ZNF568: variants seen among roughly 807,000 people sequenced by gnomAD.
ZNF568 encodes p53 inhibitor of SCO2 activation.
A neutral mutation model predicts 18.1 loss-of-function variants in ZNF568; 11 were observed. The observed-to-expected ratio is 0.61, with a 90% CI of 0.38 to 1.00. ZNF568 has a LOEUF of 1.00. Ranked by LOEUF, ZNF568 falls within the 50% of genes least tolerant of loss-of-function variation. The probability of loss-of-function intolerance (pLI) is 0.01; values close to 1 mark genes in which losing one functional copy is unlikely to be tolerated. For synonymous variants in ZNF568, 213 were observed against 246.6 expected (o/e 0.86, Z 1.28); for missense variants, 639 against 768.2 (o/e 0.83, Z 1.99).
intron 6 of ZNF568, among the ~76,000 whole-genome samples, chr19:36,946,412 T>G (rs1452470860): frequency 2.0e-5 from 3 of 151,092 alleles, no homozygotes; most frequent in African/African-American, 4.9e-5. Context: ...TTAATTAATA[T>G]ACTTATATAA....
chr19:36,961,016 T>C (rs1683128939), intron 6 of ZNF568, among the ~76,000 whole-genome samples: 1 of 152,186 alleles, frequency 6.6e-6, no homozygotes, highest in African/African-American at 2.4e-5. Flanking sequence ...TGAAAGGTTC[T>C]GTGAATATCT....
In ZNF568 at chr19:36,996,630, T is replaced by C. The variant is rs922327120; in HGVS notation, c.543T>C (p.Pro181=). 2.6e-6 allele frequency: 4 copies of C among 1,535,324 alleles called. No individual in the cohort carries two copies. The African/African-American group carries it at 5.5e-5, about 21-fold the overall frequency. Reference sequence around the variant, plus strand: ...TAATTCATAATAAGGAAAAAGAACCTGAATGTGGAGAATGTAGGAAAATCT... The same window carrying C: ...TAATTCATAATAAGGAAAAAGAACCCGAATGTGGAGAATGTAGGAAAATCT... The change falls in exon 5 of 5, where the codon CCT becomes CCC. Residue 181 remains proline, a synonymous_variant. Transcript: ENST00000433993.
chr19:36,997,331 G>T, downstream of ZNF568: 1 of 1,600,868 alleles, frequency 6.2e-7, no homozygotes. Flanking sequence ...TTTCGTCGTG[G>T]CTCAGAACTT....
intron 4 of ZNF568, 134 bp downstream of exon 4, chr19:36,925,392 A>C (rs1248443170): frequency 2.5e-6 from 2 of 789,846 alleles, no homozygotes; most frequent in Non-Finnish European, 4.1e-6. Flanking sequence ...ATAGAAAATC[A>C]GAACCTGGGG....
intron 6 of ZNF568, among the ~76,000 whole-genome samples, chr19:36,966,235 G>A (rs1443594832): frequency 6.6e-6 from 1 of 152,088 alleles, no homozygotes; most frequent in Non-Finnish European, 1.5e-5. Flanking sequence ...GCGGTGAGCC[G>A]AGATTGCACC....
downstream of ZNF568, among the ~76,000 whole-genome samples, chr19:36,953,665 G>A (rs1038875842): frequency 1.3e-5 from 2 of 152,170 alleles, no homozygotes; most frequent in South Asian, 2.1e-4. Context: ...TAAACCCAGC[G>A]CTTTGGGAGG....
intron 6 of ZNF568, 118 bp downstream of exon 6, chr19:36,937,360 C>A: frequency 1.4e-6 from 1 of 692,732 alleles, no homozygotes; most frequent in Non-Finnish European, 2.4e-6. Context: ...TCTAGAGTGA[C>A]AAATGGGATG....
intron 6 of ZNF568, among the ~76,000 whole-genome samples, chr19:36,942,466 G>A (rs2073896976): frequency 6.6e-6 from 1 of 151,488 alleles, no homozygotes; most frequent in African/African-American, 2.4e-5. Context: ...AGGCGTGGTG[G>A]CGGGTGCCTG....
At chr19:36,957,004 A>G (rs4805192), downstream of ZNF568, among the ~76,000 whole-genome samples, 32,995 of 152,050 alleles carry the variant, frequency 0.22, 3,568 homozygotes, top group South Asian at 0.29. Context: ...TCCAAAACCA[A>G]AAAACATAAT....
chr19:36,950,681 G>A lies in ZNF568; in HGVS notation c.1528G>A (p.Ala510Thr). 1 of 1,613,868 alleles carries A rather than the reference G, an allele frequency of 6.2e-7. No homozygotes were observed. Among genetic ancestry groups the A allele is most frequent in the Non-Finnish European group, 8.5e-7 (1 of 1,179,930 alleles). ...CTATGCATGTACAGTATGTGGAAAA[G>A]CCTTTAGTCAGAAATCAAACCTCAC... ...KPYACTVCGKAFSQKSNLTEH... is the reference protein window; with the variant it reads ...KPYACTVCGKTFSQKSNLTEH... Residue 510 changes from alanine to threonine, a missense_variant, in exon 7 of 7, where the codon GCC becomes ACC. By Grantham distance (58) the Ala-to-Thr change is moderately conservative (BLOSUM62 0). Coordinates refer to ENST00000333987, the MANE Select transcript of ZNF568 (RefSeq NM_198539.4).
At chr19:36,931,320 C>T (rs484001) in intron 4 of ZNF568, among the ~76,000 whole-genome samples, 55,007 of 151,990 alleles carry the variant, frequency 0.36, 10,242 homozygotes, top group African/African-American at 0.4. Flanking sequence ...GACATTAGTA[C>T]AGGCAGGAAG....
At chr19:36,978,589 G>T (rs2146338838) in intron 7 of ZNF568, among the ~76,000 whole-genome samples, 1 of 152,222 alleles carries the variant, frequency 6.6e-6, no homozygotes, top group Non-Finnish European at 1.5e-5. Context: ...AATCTGAGTA[G>T]GTCACTATTT....
At chr19:36,927,755 C>G (rs1479770331) in intron 4 of ZNF568, among the ~76,000 whole-genome samples, 1 of 144,322 alleles carries the variant, frequency 6.9e-6, no homozygotes, top group Non-Finnish European at 1.5e-5. Context: ...TTGGGGATTT[C>G]CATTGAATTG....
chr19:36,971,983 C>T (rs61354972), intron 6 of ZNF568, among the ~76,000 whole-genome samples: 8 of 151,174 alleles, frequency 5.3e-5, no homozygotes, highest in Non-Finnish European at 7.4e-5. Context: ...TACAGGTGCG[C>T]GCCACCACAC....
At chr19:36,926,592 A>G (rs151217599) in intron 4 of ZNF568, among the ~76,000 whole-genome samples, 24 of 152,312 alleles carry the variant, frequency 1.6e-4, no homozygotes, top group African/African-American at 5.8e-4. Context: ...GGAGGGTTAA[A>G]TACATGTAAC....
At chr19:36,965,254 AGTTGG>A (rs1439219425) in intron 6 of ZNF568, among the ~76,000 whole-genome samples, 2 of 152,206 alleles carry the variant, frequency 1.3e-5, no homozygotes, top group Non-Finnish European at 2.9e-5. Context: ...TAAAAGGACA[AGTTGG>A]GCATGCTTTT....
At chr19:36,991,266 A>C (rs1337552418) in exon 3 of ZNF568, 1 of 1,535,534 alleles carries the variant, frequency 6.5e-7, no homozygotes, top group Non-Finnish European at 8.7e-7. Context: ...CCGAGATGTA[A>C]TGTTGGAAAA....
chr19:36,939,086 T>C (rs2146293996), intron 6 of ZNF568, among the ~76,000 whole-genome samples: 1 of 152,326 alleles, frequency 6.6e-6, no homozygotes, highest in Non-Finnish European at 1.5e-5. Flanking sequence ...TGACCTCCTT[T>C]ATCATACAAG....
chr19:36,997,137 G>C, exon 5 of ZNF568: 1 of 1,577,170 alleles, frequency 6.3e-7, no homozygotes, highest in Non-Finnish European at 8.6e-7. Context: ...ATGAATGCAG[G>C]GAGTGTGGAA....
Sources: gnomAD v4.1 joint callset for allele counts (sites outside exome capture counted in the v4.1 genomes callset) on GRCh38, gnomAD v4.1.1 for gene constraint, MANE v1.5 for transcripts, NCBI Gene and HGNC (gene_info 2026-07-23, HGNC 2026-07-21) for gene names.